C10orf67: variants seen among roughly 807,000 people sequenced by gnomAD.
C10orf67 encodes the protein uncharacterized protein C10orf67, mitochondrial.
In C10orf67, 60 loss-of-function variants were observed where a neutral mutation model predicts 35.6. That is an observed-to-expected ratio of 1.68 (90% CI 1.37 to 2.09). The LOEUF (loss-of-function observed/expected upper bound fraction) is 2.09. Ranked by LOEUF, C10orf67 falls within the 30% of genes most tolerant of loss-of-function variation. The pLI, the probability that C10orf67 is intolerant of heterozygous loss-of-function variation, is 0.00. For synonymous variants in C10orf67, 167 were observed against 115.8 expected, an observed-to-expected ratio of 1.44 and a Z score of -2.84; for missense variants, 474 against 330.2, an observed-to-expected ratio of 1.44 and a Z score of -3.38.
chr10:23,335,500 C>T (rs536098032), intron 1 of C10orf67, among the ~76,000 whole-genome samples: 4 of 152,284 alleles, frequency 2.6e-5, no homozygotes, highest in African/African-American at 9.6e-5. Context: ...AACCTTCATA[C>T]AACAGTAAGC....
chr10:23,248,416 A>C (rs138968531), intron 12 of C10orf67, among the ~76,000 whole-genome samples: 21 of 152,328 alleles, frequency 1.4e-4, no homozygotes, highest in Non-Finnish European at 2.4e-4. Context: ...CACTGCTCAC[A>C]TTCAATCTTC....
chr10:23,217,125 T>C (rs2132095463), intron 15 of C10orf67, among the ~76,000 whole-genome samples: 1 of 152,324 alleles, frequency 6.6e-6, no homozygotes, highest in South Asian at 2.1e-4. Context: ...TTCCTTCCTA[T>C]AACATCTTTT....
At position 23,250,537 on chromosome 10, in the gene C10orf67, G is replaced by A; in HGVS notation, c.1281-17C>T. On this transcript the variant is annotated splice_polypyrimidine_tract_variant and intron_variant, in intron 11 of 15. Coordinates refer to ENST00000636213, the MANE Select transcript of C10orf67 (RefSeq NM_001371909.1). ...TTCCTAAACCTATAAAAAATTTACA[G>A]ATGGTTAAATATTGTATTAGTTACA... The A allele has an allele frequency of 2.5e-6, 1 of 398,504 alleles. No homozygotes were observed. Among genetic ancestry groups the A allele is most frequent in the Non-Finnish European group, 4.4e-6 (1 of 225,842 alleles). The allele number at this position is 398,504 out of a possible 1,614,324, so 24.7% of individuals were successfully genotyped here.
intron 10 of C10orf67, among the ~76,000 whole-genome samples, chr10:23,255,803 T>A (rs770746720): frequency 6.6e-6 from 1 of 152,164 alleles, no homozygotes; most frequent in Non-Finnish European, 1.5e-5. Context: ...ACAGCACATA[T>A]AATGGATTAT....
chr10:23,328,165 A>C (rs1845271638), intron 2 of C10orf67, among the ~76,000 whole-genome samples: 1 of 152,186 alleles, frequency 6.6e-6, no homozygotes, highest in Non-Finnish European at 1.5e-5. Flanking sequence ...ATAAAAGAGA[A>C]GAAGAAAGCC....
Position 23,220,094 on chromosome 10 carries a change from C to T in C10orf67, c.1570+3504G>A, listed in dbSNP as rs186683289. Among the ~76,000 whole-genome samples the T allele has an allele frequency of 1.2e-3, 184 of 152,040 alleles. 1 individual carries two copies. Among genetic ancestry groups the T allele is most frequent in the African/African-American group, 4.1e-3 (168 of 41,440 alleles). On this transcript the variant is annotated intron_variant, in intron 15 of 15. Coordinates refer to ENST00000636213, the MANE Select transcript of C10orf67 (RefSeq NM_001371909.1). ...GGCTGAGGCAGGAGGATCACCTGGG[C>T]CCAGGAATTTGAGACTGCAGTGAGC...
chr10:23,322,471 G>A lies in C10orf67; in HGVS notation c.394C>T (p.Arg132Ter), dbSNP rs756131690. Residue 132 changes from arginine (R) to a stop codon, truncating the protein, a stop_gained, in exon 3 of 16, where the codon CGA becomes TGA. Transcript: ENST00000636213. LOFTEE classifies it high-confidence loss of function. Reference sequence around the variant, plus strand: ...AGACTCAAAGATTCCTCTTTCAGTCGGTCCTCAAACTTCAACTGAAGCAAT... The same window carrying A: ...AGACTCAAAGATTCCTCTTTCAGTCAGTCCTCAAACTTCAACTGAAGCAAT... Reference protein sequence around the residue: ...KQLLQLKFEDRLKEESLSLFT... With the variant: ...KQLLQLKFED 44 of 1,611,796 alleles carry A rather than the reference G, an allele frequency of 2.7e-5. No homozygotes were observed. Among genetic ancestry groups the A allele is most frequent in the Middle Eastern group, 1.7e-4 (1 of 6,042 alleles).
At chr10:23,256,338 G>A (rs1842599801) in intron 10 of C10orf67, among the ~76,000 whole-genome samples, 1 of 152,034 alleles carries the variant, frequency 6.6e-6, no homozygotes, top group African/African-American at 2.4e-5. Flanking sequence ...TGAGACTCCT[G>A]GCTCCCGCTT....
chr10:23,231,054 C>G (rs778994080), intron 13 of C10orf67, among the ~76,000 whole-genome samples: 1 of 152,098 alleles, frequency 6.6e-6, no homozygotes, highest in Non-Finnish European at 1.5e-5. Context: ...TGGGCTTGAC[C>G]TCCCAGGCTC....
intron 5 of C10orf67, among the ~76,000 whole-genome samples, chr10:23,302,032 C>T (rs1192288407): frequency 4.6e-5 from 7 of 151,978 alleles, no homozygotes; most frequent in African/African-American, 9.6e-5. Flanking sequence ...CAGAGGTGGA[C>T]GGTGAGCGAA....
intron 8 of C10orf67, among the ~76,000 whole-genome samples, chr10:23,274,849 A>C (rs1187305299): frequency 1.1e-4 from 16 of 152,176 alleles, no homozygotes; most frequent in Non-Finnish European, 1.9e-4. Flanking sequence ...ATGTCCATGA[A>C]ATGTTCACAA....
chr10:23,249,895 G>C (rs375750923), intron 12 of C10orf67, among the ~76,000 whole-genome samples: 3 of 152,184 alleles, frequency 2.0e-5, no homozygotes, highest in Non-Finnish European at 4.4e-5. Context: ...TAACATGTTA[G>C]GGTAAGGGAA....
At chr10:23,204,401 A>T in intron 15 of C10orf67, 146 bp from the exon 16 acceptor site, 1 of 403,688 alleles carries the variant, frequency 2.5e-6, no homozygotes, top group Non-Finnish European at 4.4e-6. Flanking sequence ...CTCTTCAGGA[A>T]CCTGGAAGAG....
At chr10:23,338,379 C>A (rs1043818058) in intron 1 of C10orf67, among the ~76,000 whole-genome samples, 1 of 152,086 alleles carries the variant, frequency 6.6e-6, no homozygotes, top group African/African-American at 2.4e-5. Context: ...ATACTGAGCT[C>A]CCAACGTGGC....
intron 5 of C10orf67, among the ~76,000 whole-genome samples, chr10:23,292,806 C>A (rs1447794801): frequency 1.3e-5 from 2 of 151,502 alleles, no homozygotes; most frequent in Non-Finnish European, 2.9e-5. Flanking sequence ...TACAAATCTT[C>A]ATGACTTTGA....
intron 5 of C10orf67, among the ~76,000 whole-genome samples, chr10:23,302,534 G>C (rs946686379): frequency 6.6e-6 from 1 of 152,142 alleles, no homozygotes; most frequent in Non-Finnish European, 1.5e-5. Flanking sequence ...TATTCCTCCT[G>C]GGTCCCAGCA....
At chr10:23,312,857 C>T (rs1198199577) in intron 4 of C10orf67, among the ~76,000 whole-genome samples, 1 of 152,172 alleles carries the variant, frequency 6.6e-6, no homozygotes, top group East Asian at 1.9e-4. Flanking sequence ...GGTTGAAGGC[C>T]TTCTCAGAAA....
At chr10:23,291,386 C>A in intron 5 of C10orf67, 107 bp from the exon 6 acceptor site, 1 of 603,294 alleles carries the variant, frequency 1.7e-6, no homozygotes, top group Non-Finnish European at 2.9e-6. Context: ...TTTCTGAATT[C>A]TATTACACAC....
intron 4 of C10orf67, among the ~76,000 whole-genome samples, chr10:23,316,086 C>T (rs559682804): frequency 6.6e-6 from 1 of 152,252 alleles, no homozygotes; most frequent in South Asian, 2.1e-4. Context: ...ACCCGCTTGG[C>T]CGGGCAGGCT....
Sources: gnomAD v4.1 joint callset for allele counts (sites outside exome capture counted in the v4.1 genomes callset) on GRCh38, gnomAD v4.1.1 for gene constraint, MANE v1.5 for transcripts, NCBI Gene and HGNC (gene_info 2026-07-23, HGNC 2026-07-21) for gene names.